SORCS2: variants seen among roughly 807,000 people sequenced by gnomAD.
SORCS2 encodes VPS10 domain-containing receptor SorCS2.
In SORCS2, 100 loss-of-function variants were observed where a neutral mutation model predicts 141.6. The observed-to-expected ratio is 0.71, with a 90% confidence interval of 0.60 to 0.83. The LOEUF (loss-of-function observed/expected upper bound fraction) is 0.83, where lower values mean the gene tolerates loss of function less well. Among genes scored for constraint, SORCS2 ranks in the 40% least tolerant of loss-of-function variants. The probability of loss-of-function intolerance (pLI) is 0.00; values close to 1 mark genes in which losing one functional copy is unlikely to be tolerated. For synonymous variants in SORCS2, 789 were observed against 676.9 expected (o/e 1.17, Z -2.57); for missense variants, 1,646 against 1,560.2 (o/e 1.05, Z -0.93).
intron 2 of SORCS2, among the ~76,000 whole-genome samples, chr4:7,501,690 G>A (rs1463673220): frequency 2.0e-5 from 3 of 152,206 alleles, no homozygotes; most frequent in African/African-American, 7.2e-5. Context: ...TTGTCCCTGT[G>A]TGTCTGGAGA....
intron 2 of SORCS2, chr4:7,434,510 C>A: frequency 6.2e-7 from 1 of 1,612,738 alleles, no homozygotes. Flanking sequence ...TCCGGGGCCC[C>A]ACGGAGCATG....
intron 2 of SORCS2, among the ~76,000 whole-genome samples, chr4:7,463,895 G>A (rs533902989): frequency 1.1e-4 from 16 of 152,340 alleles, no homozygotes; most frequent in Non-Finnish European, 2.4e-4. Flanking sequence ...GACTGGGGAG[G>A]TGCGGAGGCT....
chr4:7,616,498 A>G (rs1718772431), intron 3 of SORCS2, among the ~76,000 whole-genome samples: 1 of 151,936 alleles, frequency 6.6e-6, no homozygotes, highest in Admixed American at 6.6e-5. Flanking sequence ...CCTTCATCCA[A>G]GTGGGGTGGT....
intron 1 of SORCS2, among the ~76,000 whole-genome samples, chr4:7,298,212 G>A (rs909717493): frequency 2.6e-5 from 4 of 152,206 alleles, no homozygotes; most frequent in Admixed American, 2.0e-4. Flanking sequence ...ACATGACCAT[G>A]GTGAGAAGAG....
chr4:7,693,998 T>G (rs1724431486), intron 11 of SORCS2, among the ~76,000 whole-genome samples: 1 of 152,148 alleles, frequency 6.6e-6, no homozygotes, highest in African/African-American at 2.4e-5. Flanking sequence ...CCCACTCACC[T>G]GGGCCCCGGC....
chr4:7,318,381 C>T (rs113853931), intron 1 of SORCS2, among the ~76,000 whole-genome samples: 2,556 of 152,232 alleles, frequency 0.017, 63 homozygotes, highest in African/African-American at 0.058. Flanking sequence ...TACTGGATGC[C>T]AGATACTTGA....
chr4:7,203,889 C>T (rs1449745133), intron 1 of SORCS2, among the ~76,000 whole-genome samples: 1 of 152,142 alleles, frequency 6.6e-6, no homozygotes, highest in African/African-American at 2.4e-5. Flanking sequence ...CTCTAATGGC[C>T]TCATATGGGT....
At chr4:7,240,799 A>G (rs1712641751) in intron 1 of SORCS2, among the ~76,000 whole-genome samples, 1 of 152,212 alleles carries the variant, frequency 6.6e-6, no homozygotes, top group Non-Finnish European at 1.5e-5. Context: ...GCTGTCTCCA[A>G]AACACCCTGA....
intron 1 of SORCS2, among the ~76,000 whole-genome samples, chr4:7,304,127 C>A (rs1717628782): frequency 6.6e-6 from 1 of 152,212 alleles, no homozygotes; most frequent in South Asian, 2.1e-4. Context: ...ATGTGTGGTC[C>A]CCACGCTGGA....
At chr4:7,639,275 C>T (rs916356952) in intron 4 of SORCS2, among the ~76,000 whole-genome samples, 7 of 152,348 alleles carry the variant, frequency 4.6e-5, no homozygotes, top group African/African-American at 1.4e-4. Flanking sequence ...GCTGCACTTC[C>T]CCCTGGGCTC....
intron 12 of SORCS2, 102 bp from the exon 13 acceptor site, chr4:7,703,178 C>T: frequency 2.2e-6 from 2 of 909,698 alleles, no homozygotes; most frequent in South Asian, 3.5e-5. Context: ...GCCAACAACC[C>T]CCGGCTGCAC....
chr4:7,528,330 C>T (rs897029751), intron 2 of SORCS2, among the ~76,000 whole-genome samples: 9 of 151,632 alleles, frequency 5.9e-5, no homozygotes, highest in Non-Finnish European at 2.9e-5. Context: ...ACTTGGGAGT[C>T]GTGGATATCT....
At chr4:7,619,941 C>G (rs113266542) in intron 3 of SORCS2, among the ~76,000 whole-genome samples, 96 of 152,256 alleles carry the variant, frequency 6.3e-4, no homozygotes, top group African/African-American at 2.2e-3. Context: ...CTGCCCCTGC[C>G]CTGTCCCCAG....
intron 18 of SORCS2, among the ~76,000 whole-genome samples, chr4:7,722,911 G>A (rs1033714937): frequency 6.6e-5 from 10 of 152,158 alleles, no homozygotes; most frequent in Non-Finnish European, 1.0e-4. Flanking sequence ...ACTAGGAAAC[G>A]GTTTCCTCGT....
At chr4:7,639,453 T>C (rs1224758413) in intron 4 of SORCS2, among the ~76,000 whole-genome samples, 2 of 148,368 alleles carry the variant, frequency 1.3e-5, no homozygotes, top group Non-Finnish European at 3.0e-5. Flanking sequence ...TGTGAGTGCA[T>C]GTGTGTGGGT....
chr4:7,395,445 A>G (rs1047151195), intron 1 of SORCS2, among the ~76,000 whole-genome samples: 2 of 152,214 alleles, frequency 1.3e-5, no homozygotes, highest in Admixed American at 6.5e-5. Context: ...GAGTGAAATG[A>G]AATTTGATGT....
intron 2 of SORCS2, among the ~76,000 whole-genome samples, chr4:7,484,620 C>A (rs1294166714): frequency 6.6e-6 from 1 of 152,146 alleles, no homozygotes; most frequent in African/African-American, 2.4e-5. Flanking sequence ...GCTCTGCAAG[C>A]AATTCCTCTC....
chr4:7,704,116 G>T, intron 13 of SORCS2, 61 bp from the exon 14 acceptor site: 1 of 1,506,540 alleles, frequency 6.6e-7, no homozygotes. Flanking sequence ...GCCGGGCAGA[G>T]TCCCAGACAC....
intron 1 of SORCS2, among the ~76,000 whole-genome samples, chr4:7,249,706 C>T (rs1421168950): frequency 6.6e-6 from 1 of 152,172 alleles, no homozygotes; most frequent in East Asian, 1.9e-4. Flanking sequence ...GTAACTTGCT[C>T]AAGCCCTCGC....
Sources: gnomAD v4.1 joint callset for allele counts (sites outside exome capture counted in the v4.1 genomes callset) on GRCh38, gnomAD v4.1.1 for gene constraint, MANE v1.5 for transcripts, NCBI Gene and HGNC (gene_info 2026-07-23, HGNC 2026-07-21) for gene names.